Variants in PLPP3 observed in about 807,000 individuals in gnomAD.
The protein encoded by PLPP3 is phospholipid phosphatase 3, also known as PAP2 beta.
A neutral mutation model predicts 29.6 loss-of-function variants in PLPP3; 6 were observed. The observed-to-expected ratio is 0.20, with a 90% CI of 0.11 to 0.40. The LOEUF (loss-of-function observed/expected upper bound fraction) is 0.40. PLPP3 is among the 10% of genes least tolerant of loss of function. The pLI, the probability that PLPP3 is intolerant of heterozygous loss-of-function variation, is 1.00. For missense variants in PLPP3, 308 were observed against 407.7 expected (o/e 0.76, Z 2.11); for synonymous variants, 152 against 159.7 (o/e 0.95, Z 0.36).
intron 4 of PLPP3, among the ~76,000 whole-genome samples, chr1:56,517,767 A>G (rs1645791433): frequency 6.6e-6 from 1 of 152,224 alleles, no homozygotes; most frequent in South Asian, 2.1e-4. Context: ...CAAAACACCA[A>G]AGGACAACCT....
chr1:56,520,588 A>G (rs1449782172), intron 4 of PLPP3, among the ~76,000 whole-genome samples: 3 of 151,908 alleles, frequency 2.0e-5, no homozygotes, highest in African/African-American at 7.3e-5. Flanking sequence ...AATCAGCCAA[A>G]CCTAGTGGCT....
At position 56,538,959 on chromosome 1, in the gene PLPP3, CA is replaced by C. The variant is rs752979162; in HGVS notation, c.140-1848del. 1.0e-3 allele frequency: 101 copies of C among 96,396 alleles called. 3 individuals carry two copies. Among genetic ancestry groups the C allele is most frequent in the South Asian group, 8.6e-3 (25 of 2,920 alleles). The allele number at this position is 96,396 out of a possible 1,614,324, so 6.0% of individuals were successfully genotyped here. On this transcript the variant is annotated intron_variant, in intron 1 of 5. Transcript: ENST00000371250. ...AAATAAATACAAGACTTCTGGGCTG[CA>C]AAAAAAAAAAACACAGTGGATAATA... is the stretch of plus-strand genomic sequence containing the variant.
At position 56,554,772 on chromosome 1, in the gene PLPP3, C is replaced by T. The variant is rs188880782; in HGVS notation, c.140-17660G>A. Among the ~76,000 whole-genome samples, 28 of 152,142 alleles carry T rather than the reference C, an allele frequency of 1.8e-4. No individual in the cohort carries two copies. The East Asian group carries it at 3.3e-3, about 18-fold the overall frequency. ...CAGCCTATGTAGAGTTTTAAAGATACCAATGTCTTTTCAATGTTCCATTAT... is the reference window on the plus strand; with the variant it reads ...CAGCCTATGTAGAGTTTTAAAGATATCAATGTCTTTTCAATGTTCCATTAT... On this transcript the variant is annotated intron_variant, in intron 1 of 5. Transcript: ENST00000371250.
chr1:56,502,993 C>T (rs918195135), intron 5 of PLPP3, among the ~76,000 whole-genome samples: 3 of 152,186 alleles, frequency 2.0e-5, no homozygotes, highest in African/African-American at 7.2e-5. Context: ...AGGAATAACC[C>T]TCTTTGGAGG....
At chr1:56,555,439 A>AAAC (rs1646068918) in intron 1 of PLPP3, among the ~76,000 whole-genome samples, 1 of 146,310 alleles carries the variant, frequency 6.8e-6, no homozygotes, top group Non-Finnish European at 1.5e-5. Flanking sequence ...ACACTAAAAA[A>AAAC]AAAAAAAAAA....
intron 2 of PLPP3, among the ~76,000 whole-genome samples, chr1:56,526,709 T>C (rs1164667501): frequency 1.3e-5 from 2 of 152,208 alleles, no homozygotes; most frequent in East Asian, 1.9e-4. Context: ...ACGAGGGTGC[T>C]AGACTCTGAT....
At chr1:56,559,954 A>C (rs1252333795) in intron 1 of PLPP3, among the ~76,000 whole-genome samples, 2 of 152,204 alleles carry the variant, frequency 1.3e-5, no homozygotes, top group African/African-American at 4.8e-5. Flanking sequence ...GGAATTCTTC[A>C]GTGCAGTCCC....
chr1:56,525,447 T>C (rs1423009285), intron 2 of PLPP3, among the ~76,000 whole-genome samples: 1 of 152,210 alleles, frequency 6.6e-6, no homozygotes, highest in Non-Finnish European at 1.5e-5. Flanking sequence ...CTACTGAAAA[T>C]AATCCACCAA....
intron 1 of PLPP3, chr1:56,539,013 T>C (rs1645950513): frequency 2.8e-5 from 4 of 142,280 alleles, no homozygotes; most frequent in Non-Finnish European, 6.0e-5. Flanking sequence ...ACACTCACAA[T>C]GTGTTGGGTT....
intron 5 of PLPP3, among the ~76,000 whole-genome samples, chr1:56,498,435 CCCCAGG>C (rs958793302): frequency 3.4e-5 from 5 of 149,202 alleles, no homozygotes; most frequent in Admixed American, 2.1e-4. Flanking sequence ...CTCTTCTCCG[CCCCAGG>C]CCCAGCCCCA....
rs1273177465 is a variant in PLPP3 at position 56,496,547 on chromosome 1, G to A, written c.*4C>T. ...ACAAAAACAGCTCAGGAGGTGGGTG[G>A]CACCTACATCATGTTGTGGTGATTG... On this transcript the variant is annotated 3_prime_UTR_variant, in exon 6 of 6. Transcript: ENST00000371250. The A allele has an allele frequency of 6.2e-7, 1 of 1,613,650 alleles. No homozygotes were observed. The highest frequency in any genetic ancestry group is 8.5e-7 in the Non-Finnish European group (1 of 1,179,788).
At chr1:56,526,255 A>G (rs903542574) in intron 2 of PLPP3, among the ~76,000 whole-genome samples, 28 of 152,326 alleles carry the variant, frequency 1.8e-4, no homozygotes, top group African/African-American at 6.3e-4. Flanking sequence ...GAGTTGCCTT[A>G]TTACAAAATT....
chr1:56,541,656 T>C (rs1645970344), intron 1 of PLPP3, among the ~76,000 whole-genome samples: 1 of 152,224 alleles, frequency 6.6e-6, no homozygotes, highest in South Asian at 2.1e-4. Context: ...GTTATGGAGC[T>C]GAACAGGTTT....
Position 56,526,328 on chromosome 1 carries a change from G to A in PLPP3, c.298-1774C>T, listed in dbSNP as rs147031352. Among the ~76,000 whole-genome samples, 31 of 152,282 alleles carry A rather than the reference G, an allele frequency of 2.0e-4. No homozygotes were observed. The East Asian group carries it at 2.7e-3, about 13-fold the overall frequency. ...AACACGTTGCAGAGATTAAACTCCA[G>A]GAAGCATGGCAAGTCATTAATGAAA... On this transcript the variant is annotated intron_variant, in intron 2 of 5. Coordinates refer to ENST00000371250, the MANE Select transcript of PLPP3 (RefSeq NM_003713.5).
chr1:56,503,559 C>T (rs892194759), intron 5 of PLPP3, among the ~76,000 whole-genome samples: 4 of 152,050 alleles, frequency 2.6e-5, no homozygotes, highest in Admixed American at 6.6e-5. Context: ...CATGATTGCA[C>T]ACGCCTGTAA....
chr1:56,523,496 T>C (rs1405361495), intron 4 of PLPP3, among the ~76,000 whole-genome samples: 3 of 152,192 alleles, frequency 2.0e-5, no homozygotes, highest in East Asian at 1.9e-4. Context: ...CAGGGGTTTT[T>C]GTAACGGCAA....
chr1:56,543,828 C>T (rs908625298), intron 1 of PLPP3, among the ~76,000 whole-genome samples: 1 of 152,156 alleles, frequency 6.6e-6, no homozygotes. Flanking sequence ...AGTTCAGGCC[C>T]TTTCTCCACA....
At chr1:56,520,785 C>A (rs1463928286) in intron 4 of PLPP3, among the ~76,000 whole-genome samples, 1 of 151,242 alleles carries the variant, frequency 6.6e-6, no homozygotes, top group Non-Finnish European at 1.5e-5. Flanking sequence ...GTGCCACACA[C>A]CTGTAATCCC....
chr1:56,535,111 T>C (rs1490092693), intron 2 of PLPP3, among the ~76,000 whole-genome samples: 2 of 152,232 alleles, frequency 1.3e-5, no homozygotes, highest in Admixed American at 6.5e-5. Flanking sequence ...AGTTACTTTA[T>C]ATACATTAGC....
Sources: allele counts gnomAD v4.1 joint callset (sites outside exome capture counted in the v4.1 genomes callset), GRCh38; gene constraint gnomAD v4.1.1; transcripts MANE v1.5; gene names NCBI Gene and HGNC (gene_info 2026-07-23, HGNC 2026-07-21).